The following TASP1 variants were observed in gnomAD, a reference collection of about 807,000 sequenced individuals.
TASP1 encodes the protein threonine aspartase 1.
A neutral mutation model predicts 56.6 loss-of-function variants in TASP1; 16 were observed. That is an observed-to-expected ratio of 0.28 (90% confidence interval 0.19 to 0.43). The LOEUF is 0.43. Among genes scored for constraint, TASP1 ranks in the 20% least tolerant of loss-of-function variants. The pLI is 1.00. For missense variants in TASP1, 393 were observed against 511.6 expected (o/e 0.77, Z 2.24); for synonymous variants, 179 against 184.2 (o/e 0.97, Z 0.23).
chr20:13,132,171 A>ATTTTTTTTT, the TASP1 span, among the ~76,000 whole-genome samples: 6 of 103,998 alleles, frequency 5.8e-5, no homozygotes, highest in African/African-American at 7.6e-5. Context: ...CCTTGCTTTA[A>ATTTTTTTTT]TTTTTTTTTT....
chr20:13,218,476 C>T, the TASP1 span, among the ~76,000 whole-genome samples: 3 of 152,050 alleles, frequency 2.0e-5, no homozygotes. Context: ...AAATGTTCTA[C>T]CACAAAGGTG....
chr20:13,371,109 GA>G, the TASP1 span, among the ~76,000 whole-genome samples: 1 of 151,738 alleles, frequency 6.6e-6, no homozygotes, highest in African/African-American at 2.4e-5. Context: ...TGATCTTTTT[GA>G]CAAACCAACT....
In TASP1 at chr20:13,478,728, A is replaced by G. The variant is rs537624921; in HGVS notation, c.985+4499T>C. Among the ~76,000 whole-genome samples, 8 of 152,308 alleles carry G rather than the reference A, an allele frequency of 5.3e-5. No homozygotes were observed. The South Asian group carries it at 1.7e-3, about 32-fold the overall frequency. On this transcript the variant is annotated intron_variant, in intron 11 of 13. Coordinates refer to ENST00000337743, the MANE Select transcript of TASP1 (RefSeq NM_017714.3). ...AACCCCTTAAATTTTTACCAAAAAA[A>G]AGTGAACTTAGGTTAATTGTAAATG...
intron 10 of TASP1, among the ~76,000 whole-genome samples, chr20:13,497,154 A>T (rs1385365392): frequency 6.6e-6 from 1 of 152,214 alleles, no homozygotes; most frequent in Non-Finnish European, 1.5e-5. Context: ...GCTGAAAGAT[A>T]TCCACACCCT....
chr20:13,418,352 G>A (rs1045745860), intron 12 of TASP1, among the ~76,000 whole-genome samples: 1 of 152,180 alleles, frequency 6.6e-6, no homozygotes, highest in Non-Finnish European at 1.5e-5. Flanking sequence ...TGCTCAAAGA[G>A]TAAAGGGGAC....
At chr20:13,355,721 C>T in the TASP1 span, among the ~76,000 whole-genome samples, 2 of 152,184 alleles carry the variant, frequency 1.3e-5, no homozygotes, top group East Asian at 3.8e-4. Context: ...CATGGACTGG[C>T]TCTGTCTTTC....
At chr20:13,151,575 G>GCATGA in the TASP1 span, among the ~76,000 whole-genome samples, 1 of 152,168 alleles carries the variant, frequency 6.6e-6, no homozygotes, top group African/African-American at 2.4e-5. Flanking sequence ...AACAAGCATG[G>GCATGA]ACAATTGGGG....
chr20:13,494,615 A>G (rs955599852), intron 10 of TASP1, among the ~76,000 whole-genome samples: 6 of 152,162 alleles, frequency 3.9e-5, no homozygotes, highest in Non-Finnish European at 8.8e-5. Flanking sequence ...GATTTGGAAG[A>G]ACTAAGATTC....
chr20:13,408,242 A>G (rs2041989462), intron 13 of TASP1, among the ~76,000 whole-genome samples: 1 of 152,104 alleles, frequency 6.6e-6, no homozygotes, highest in South Asian at 2.1e-4. Flanking sequence ...TATATATGGG[A>G]TAAAGGGTCC....
At chr20:13,431,110 A>C (rs1315787675) in intron 12 of TASP1, among the ~76,000 whole-genome samples, 1 of 152,166 alleles carries the variant, frequency 6.6e-6, no homozygotes, top group African/African-American at 2.4e-5. Context: ...GTGATTAACA[A>C]TACACAGCAG....
At chr20:13,539,487 C>A (rs897858140) in intron 8 of TASP1, among the ~76,000 whole-genome samples, 1 of 151,862 alleles carries the variant, frequency 6.6e-6, no homozygotes, top group Non-Finnish European at 1.5e-5. Flanking sequence ...GAGTGCAAGG[C>A]TATAGTGAGC....
chr20:13,305,168 A>G, the TASP1 span, among the ~76,000 whole-genome samples: 1 of 150,556 alleles, frequency 6.6e-6, no homozygotes, highest in Non-Finnish European at 1.5e-5. Flanking sequence ...AGAGACAGGA[A>G]CTCTACTAGA....
At chr20:13,415,447 T>TC (rs1163803941) in intron 13 of TASP1, among the ~76,000 whole-genome samples, 1 of 149,828 alleles carries the variant, frequency 6.7e-6, no homozygotes. Context: ...GGGTTTTCTT[T>TC]TTTTTTTTTT....
intron 11 of TASP1, among the ~76,000 whole-genome samples, chr20:13,438,146 A>G (rs1285005355): frequency 1.3e-5 from 2 of 152,114 alleles, no homozygotes; most frequent in African/African-American, 4.8e-5. Context: ...CAGAATTGGA[A>G]AAAACTACTT....
the TASP1 span, chr20:13,126,672 A>C: frequency 6.2e-7 from 1 of 1,614,088 alleles, no homozygotes; most frequent in Non-Finnish European, 8.5e-7. Context: ...AGAGCAAATC[A>C]TCAGATCACT....
the TASP1 span, among the ~76,000 whole-genome samples, chr20:13,222,101 A>G: frequency 6.6e-6 from 1 of 152,042 alleles, no homozygotes; most frequent in Non-Finnish European, 1.5e-5. Flanking sequence ...ACGTGCCTGG[A>G]GGCTGCACCC....
the TASP1 span, among the ~76,000 whole-genome samples, chr20:13,235,727 A>G: frequency 1.3e-5 from 2 of 152,114 alleles, no homozygotes; most frequent in Non-Finnish European, 2.9e-5. Flanking sequence ...ACTGCTTACA[A>G]ATTGTGTGCT....
chr20:13,350,249 C>T, the TASP1 span, among the ~76,000 whole-genome samples: 11 of 152,048 alleles, frequency 7.2e-5, no homozygotes, highest in Non-Finnish European at 1.3e-4. Flanking sequence ...TCTAAATAAA[C>T]GGAGAGACAT....
At chr20:13,117,816 T>G in the TASP1 span, 1 of 1,229,410 alleles carries the variant, frequency 8.1e-7, no homozygotes, top group Non-Finnish European at 1.1e-6. Context: ...AAAGCTTCAA[T>G]TCAGTTCACC....
Sources: allele counts gnomAD v4.1 joint callset (sites outside exome capture counted in the v4.1 genomes callset), GRCh38; gene constraint gnomAD v4.1.1; transcripts MANE v1.5; gene names NCBI Gene and HGNC (gene_info 2026-07-23, HGNC 2026-07-21).